ANO2: variants seen among roughly 807,000 people sequenced by gnomAD.
ANO2 encodes the protein anoctamin-2.
A neutral mutation model predicts 124.2 loss-of-function variants in ANO2; 101 were observed. The observed-to-expected ratio is 0.81, with a 90% CI of 0.69 to 0.96. ANO2 has a LOEUF of 0.96. Among genes scored for constraint, ANO2 ranks in the 40% least tolerant of loss-of-function variants. The pLI, the probability that ANO2 is intolerant of heterozygous loss-of-function variation, is 0.00. For missense variants in ANO2, 1,293 were observed against 1,274.5 expected, an observed-to-expected ratio of 1.01 and a Z score of -0.22; for synonymous variants, 486 against 482.5, an observed-to-expected ratio of 1.01 and a Z score of -0.09.
In ANO2 at chr12:5,904,146, A is replaced by G. The variant is rs1019762393; in HGVS notation, c.534+16894T>C. 2.0e-5 allele frequency among the ~76,000 whole-genome samples: 3 copies of G among 152,132 alleles called. No individual in the cohort carries two copies. The highest frequency in any genetic ancestry group is 7.2e-5 in the African/African-American group (3 of 41,410). Reference sequence around the variant, plus strand: ...TGTGCTTGAAGAGTGTTCCAGCCCAAATGTTGCCTGGCTGCTGCAGCATTA... The same window carrying G: ...TGTGCTTGAAGAGTGTTCCAGCCCAGATGTTGCCTGGCTGCTGCAGCATTA... On this transcript the variant is annotated intron_variant, in intron 3 of 24. Transcript: ENST00000682330. The surrounding 1 kb of genome is among the most constrained non-coding windows in gnomAD (Gnocchi z 4.1).
At chr12:5,773,460 A>G (rs1331505994) in intron 10 of ANO2, among the ~76,000 whole-genome samples, 1 of 152,226 alleles carries the variant, frequency 6.6e-6, no homozygotes, top group Non-Finnish European at 1.5e-5. Context: ...CAGAGCCGCA[A>G]TTAGAAACTG....
chr12:5,733,363 C>T (rs1046412185), intron 13 of ANO2, among the ~76,000 whole-genome samples: 3 of 152,138 alleles, frequency 2.0e-5, no homozygotes, highest in Non-Finnish European at 2.9e-5. Context: ...AGTGCAGATG[C>T]CGGGGTAGGA....
At chr12:5,621,108 C>T (rs1565484990) in intron 16 of ANO2, among the ~76,000 whole-genome samples, 1 of 152,124 alleles carries the variant, frequency 6.6e-6, no homozygotes, top group Admixed American at 6.5e-5. Context: ...GAGATCTCAT[C>T]ACTCTGCACC....
chr12:5,707,354 T>G (rs550876318), intron 14 of ANO2, among the ~76,000 whole-genome samples: 1 of 152,360 alleles, frequency 6.6e-6, no homozygotes, highest in East Asian at 1.9e-4. Flanking sequence ...CGGGCAGTTC[T>G]TTATAGTAGT....
intron 3 of ANO2, among the ~76,000 whole-genome samples, chr12:5,866,528 G>T (rs1278691503): frequency 6.6e-6 from 1 of 152,244 alleles, no homozygotes; most frequent in Non-Finnish European, 1.5e-5. Flanking sequence ...CTGACTCTGG[G>T]CTAGAGCCAG....
At chr12:5,881,929 T>G (rs1239892448) in intron 3 of ANO2, 1 of 152,182 alleles carries the variant, frequency 6.6e-6, no homozygotes, top group African/African-American at 2.4e-5. Flanking sequence ...TACTGGCACA[T>G]GGAAACTTCC....
chr12:5,899,677 T>G (rs1940047281), intron 3 of ANO2, among the ~76,000 whole-genome samples: 1 of 152,328 alleles, frequency 6.6e-6, no homozygotes, highest in East Asian at 1.9e-4. Flanking sequence ...TGCAAAGAGC[T>G]CTGCAAACCA....
intron 24 of ANO2, among the ~76,000 whole-genome samples, chr12:5,564,856 G>C (rs1231598264): frequency 2.6e-5 from 4 of 152,152 alleles, no homozygotes; most frequent in African/African-American, 9.7e-5. Context: ...GGATACTTTA[G>C]AGCCCCCCAG....
intron 19 of ANO2, among the ~76,000 whole-genome samples, chr12:5,607,342 G>C (rs1032591196): frequency 2.0e-5 from 3 of 151,976 alleles, no homozygotes; most frequent in Non-Finnish European, 4.4e-5. Context: ...TTTTTCCTCC[G>C]ATGTCCACAT....
Position 5,628,712 on chromosome 12 carries a change from A to G in ANO2, c.1816+6440T>C, listed in dbSNP as rs143724157. On this transcript the variant is annotated intron_variant, in intron 16 of 24. Transcript: ENST00000682330. ...TGCGCGCGCGCACGCGTGCGTGCAC[A>G]TGTGCATGCATGCATGTGTACAAGT... 1.9e-3 allele frequency among the ~76,000 whole-genome samples: 297 copies of G among 152,312 alleles called. 2 individuals are homozygous for G. Among genetic ancestry groups the G allele is most frequent in the African/African-American group, 6.4e-3 (268 of 41,580 alleles).
chr12:5,927,745 G>A (rs1942150922), intron 1 of ANO2, among the ~76,000 whole-genome samples: 2 of 152,252 alleles, frequency 1.3e-5, no homozygotes, highest in Admixed American at 6.5e-5. Context: ...TGCTGATGGG[G>A]CAGAGGTCAT....
At chr12:5,861,836 C>T (rs1273651673) in intron 3 of ANO2, among the ~76,000 whole-genome samples, 1 of 152,162 alleles carries the variant, frequency 6.6e-6, no homozygotes, top group East Asian at 1.9e-4. Context: ...GAAGCTCACA[C>T]AGCTGGAGGA....
intron 3 of ANO2, among the ~76,000 whole-genome samples, chr12:5,877,408 G>C (rs1358717992): frequency 6.6e-6 from 1 of 152,190 alleles, no homozygotes; most frequent in Non-Finnish European, 1.5e-5. Flanking sequence ...TTTAAGCCAA[G>C]AAATTTGAGG....
intron 14 of ANO2, among the ~76,000 whole-genome samples, chr12:5,699,936 A>G (rs1949336255): frequency 6.6e-6 from 1 of 152,242 alleles, no homozygotes; most frequent in Non-Finnish European, 1.5e-5. Flanking sequence ...TCAGATTCAT[A>G]AAGCAAGTCC....
chr12:5,721,307 A>G (rs1208938121), intron 14 of ANO2, among the ~76,000 whole-genome samples: 1 of 152,192 alleles, frequency 6.6e-6, no homozygotes, highest in Non-Finnish European at 1.5e-5. Flanking sequence ...AGGCCCAAAG[A>G]GCAAGTGTGG....
chr12:5,623,755 A>C (rs909866280), intron 16 of ANO2, among the ~76,000 whole-genome samples: 1 of 152,232 alleles, frequency 6.6e-6, no homozygotes, highest in Admixed American at 6.5e-5. Flanking sequence ...AAAAAGAACA[A>C]GAAGATGCCC....
intron 3 of ANO2, among the ~76,000 whole-genome samples, chr12:5,884,747 T>C (rs901561253): frequency 3.9e-5 from 6 of 152,170 alleles, no homozygotes; most frequent in South Asian, 2.1e-4. Context: ...CAGATTGCTC[T>C]AGACCATCTG....
intron 16 of ANO2, among the ~76,000 whole-genome samples, chr12:5,627,137 CCGTA>C (rs1177198714): frequency 2.2e-3 from 339 of 152,310 alleles, no homozygotes; most frequent in African/African-American, 7.9e-3. Flanking sequence ...TGGCCTATAA[CCGTA>C]CTCACATCGT....
At chr12:5,802,124 G>A (rs755869491) in intron 9 of ANO2, among the ~76,000 whole-genome samples, 38 of 152,194 alleles carry the variant, frequency 2.5e-4, no homozygotes, top group Admixed American at 4.6e-4. Context: ...AGGCAAAAAC[G>A]AAAAATGTCC....
Sources: gnomAD v4.1 joint callset for allele counts (sites outside exome capture counted in the v4.1 genomes callset) on GRCh38, gnomAD v4.1.1 for gene constraint, Gnocchi (gnomAD v3.1) non-coding constraint, MANE v1.5 for transcripts, NCBI Gene and HGNC (gene_info 2026-07-23, HGNC 2026-07-21) for gene names.